Variants in C1orf53 observed in about 807,000 individuals in gnomAD.
C1orf53 encodes uncharacterized protein C1orf53.
In C1orf53, 23 loss-of-function variants were observed where a neutral mutation model predicts 17.5. The observed-to-expected ratio is 1.31, with a 90% CI of 0.94 to 1.86. The LOEUF (loss-of-function observed/expected upper bound fraction) is 1.86, where lower values mean the gene tolerates loss of function less well. Among genes scored for constraint, C1orf53 ranks in the 40% most tolerant of loss-of-function variants. The pLI, the probability that C1orf53 is intolerant of heterozygous loss-of-function variation, is 0.00. For synonymous variants in C1orf53, 108 were observed against 81.9 expected, an observed-to-expected ratio of 1.32 and a Z score of -1.72; for missense variants, 255 against 193.2, an observed-to-expected ratio of 1.32 and a Z score of -1.89.
At chr1:197,905,061 C>G (rs937303148) in intron 1 of C1orf53, among the ~76,000 whole-genome samples, 4 of 152,180 alleles carry the variant, frequency 2.6e-5, no homozygotes, top group African/African-American at 9.7e-5. Context: ...ATTTACTTTT[C>G]CCTTCCCACA....
rs769813029 is a variant in C1orf53 at position 197,902,901 on chromosome 1, T to C, written c.252T>C (p.Ala84=). 20 of 1,475,648 alleles carry C rather than the reference T, an allele frequency of 1.4e-5. No homozygotes were observed. In the African/African-American group the frequency reaches 2.3e-4, roughly 17 times the overall value. 91.4% of individuals were successfully genotyped at this position (1,475,648 alleles called of 1,614,324 possible). ...AGCGACAGATCGCGGAGCTGCACGCTGCCGCCTGCGCGGTGAGACTCCCTC... is the reference window on the plus strand; with the variant it reads ...AGCGACAGATCGCGGAGCTGCACGCCGCCGCCTGCGCGGTGAGACTCCCTC... ...AAERQIAELH[A]AACAAGQLNY... Residue 84 remains alanine, a synonymous_variant, in exon 1 of 3, where the codon GCT becomes GCC. Coordinates refer to ENST00000367393, the MANE Select transcript of C1orf53 (RefSeq NM_001024594.3).
Position 197,907,265 on chromosome 1 carries a change from A to G in C1orf53, c.*45A>G. 7 of 1,137,748 alleles carry G rather than the reference A, an allele frequency of 6.2e-6. No homozygotes were observed. Among genetic ancestry groups the G allele is most frequent in the Non-Finnish European group, 9.0e-6 (7 of 776,200 alleles). 70.5% of individuals were successfully genotyped at this position (1,137,748 alleles called of 1,614,324 possible). ...CCCTAACTGTGCTTGTATTTTTTAA[A>G]AAATAAAGCCCCAATTCAGAATTGC... On this transcript the variant is annotated 3_prime_UTR_variant, in exon 3 of 3. Transcript: ENST00000367393.
rs759201237 is a variant in C1orf53 at position 197,902,707 on chromosome 1, G to A, written c.58G>A (p.Ala20Thr). The change falls in exon 1 of 3, where the codon GCC becomes ACC. Residue 20 changes from alanine (A) to threonine (T), a missense_variant. Coordinates refer to ENST00000367393, the MANE Select transcript of C1orf53 (RefSeq NM_001024594.3). Reference sequence around the variant, plus strand: ...TGCCGCGCTCTGCAGGCAACCTTCCGCCGCCCCGCCGCCAGCACCTCTCTG... The same window carrying A: ...TGCCGCGCTCTGCAGGCAACCTTCCACCGCCCCGCCGCCAGCACCTCTCTG... Reference protein sequence around the residue: ...TGAALCRQPSAAPPPAPLWVR... With the variant: ...TGAALCRQPSTAPPPAPLWVR... 3.9e-6 allele frequency: 6 copies of A among 1,524,396 alleles called. No homozygotes were observed. The East Asian group carries it at 1.3e-4, about 34-fold the overall frequency. 94.4% of individuals were successfully genotyped at this position (1,524,396 alleles called of 1,614,324 possible). A position where few individuals can be genotyped will look rare whatever the true frequency, so the allele number is the denominator to read the frequency against.
rs1443491875 is a variant in C1orf53, at chr1:197,902,730, C to T, written c.81C>T (p.Leu27=). The T allele has an allele frequency of 6.4e-7, 1 of 1,558,396 alleles. No homozygotes were observed. Among genetic ancestry groups the T allele is most frequent in the South Asian group, 1.2e-5 (1 of 84,764 alleles). ...QPSAAPPPAP[L]WVRAGFRQQL... ...CCGCCGCCCCGCCGCCAGCACCTCT[C>T]TGGGTAAGAGCTGGGTTCCGACAGC... is the stretch of plus-strand genomic sequence containing the variant. Residue 27 remains leucine, a synonymous_variant, in exon 1 of 3, where the codon CTC becomes CTT. Coordinates refer to ENST00000367393, the MANE Select transcript of C1orf53 (RefSeq NM_001024594.3).
In C1orf53 at chr1:197,902,784, C is replaced by G. The variant is rs1659444796; in HGVS notation, c.135C>G (p.Asn45Lys). The change falls in exon 1 of 3, where the codon AAC becomes AAG. Residue 45 changes from asparagine (N) to lysine (K), a missense_variant. Coordinates refer to ENST00000367393, the MANE Select transcript of C1orf53 (RefSeq NM_001024594.3). Reference protein sequence around the residue: ...QQLSLTLCPANEGNCGGSAPS... With the variant: ...QQLSLTLCPAKEGNCGGSAPS... ...TCAGCTTAACCCTCTGCCCTGCTAA[C>G]GAGGGAAACTGCGGCGGCTCCGCGC... 6.3e-7 allele frequency: 1 copy of G among 1,581,348 alleles called. No homozygotes were observed. The highest frequency in any genetic ancestry group is 8.5e-7 in the Non-Finnish European group (1 of 1,170,816).
At chr1:197,904,613 T>C (rs1373525406) in intron 1 of C1orf53, among the ~76,000 whole-genome samples, 1 of 152,188 alleles carries the variant, frequency 6.6e-6, no homozygotes, top group South Asian at 2.1e-4. Context: ...TGATTTCATG[T>C]AATCTGCTTC....
intron 1 of C1orf53, chr1:197,905,587 C>T: frequency 2.1e-6 from 1 of 485,730 alleles, no homozygotes; most frequent in Non-Finnish European, 3.6e-6. Context: ...TTTTCTCAAA[C>T]TGTATATTTT....
Position 197,902,822 on chromosome 1 carries a change from G to T in C1orf53, c.173G>T (p.Gly58Val). The T allele has an allele frequency of 6.4e-7, 1 of 1,570,352 alleles. No homozygotes were observed. The change falls in exon 1 of 3, where the codon GGT becomes GTT. Residue 58 changes from glycine to valine, a missense_variant. By Grantham distance (109) the Gly-to-Val change is moderately radical. Coordinates refer to ENST00000367393, the MANE Select transcript of C1orf53 (RefSeq NM_001024594.3). ...NCGGSAPSTP[G>V]RPERAARPSV... Reference sequence around the variant, plus strand: ...GGCGGCTCCGCGCCCAGCACGCCCGGTAGGCCGGAGAGAGCGGCGAGGCCT... The same window carrying T: ...GGCGGCTCCGCGCCCAGCACGCCCGTTAGGCCGGAGAGAGCGGCGAGGCCT...
Position 197,902,794 on chromosome 1 carries a change from T to C in C1orf53, c.145T>C (p.Cys49Arg). Reference protein sequence around the residue: ...LTLCPANEGNCGGSAPSTPGR... With the variant: ...LTLCPANEGNRGGSAPSTPGR... Reference sequence around the variant, plus strand: ...CCTCTGCCCTGCTAACGAGGGAAACTGCGGCGGCTCCGCGCCCAGCACGCC... The same window carrying C: ...CCTCTGCCCTGCTAACGAGGGAAACCGCGGCGGCTCCGCGCCCAGCACGCC... The change falls in exon 1 of 3, where the codon TGC becomes CGC. Residue 49 changes from cysteine to arginine, a missense_variant. Cys to Arg is a radical substitution (Grantham distance 180, BLOSUM62 -3). Transcript: ENST00000367393. The C allele has an allele frequency of 6.3e-7, 1 of 1,580,916 alleles. No homozygotes were observed. The highest frequency in any genetic ancestry group is 8.5e-7 in the Non-Finnish European group (1 of 1,170,748).
Position 197,902,926 on chromosome 1 carries a change from C to G in C1orf53, c.264+13C>G. 1.5e-6 allele frequency: 2 copies of G among 1,367,974 alleles called. No individual in the cohort carries two copies. The highest frequency in any genetic ancestry group is 1.9e-6 in the Non-Finnish European group (2 of 1,065,774). 84.7% of individuals were successfully genotyped at this position (1,367,974 alleles called of 1,614,324 possible). ...TGCCGCCTGCGCGGTGAGACTCCCTCCTGCCCGCCCCGCCCCGCCGCGGCC... is the reference window on the plus strand; with the variant it reads ...TGCCGCCTGCGCGGTGAGACTCCCTGCTGCCCGCCCCGCCCCGCCGCGGCC... On this transcript the variant is annotated intron_variant, in intron 1 of 2. Coordinates refer to ENST00000367393, the MANE Select transcript of C1orf53 (RefSeq NM_001024594.3).
intron 1 of C1orf53, among the ~76,000 whole-genome samples, chr1:197,904,023 GA>G (rs1466811923): frequency 2.0e-5 from 3 of 152,206 alleles, no homozygotes; most frequent in Non-Finnish European, 2.9e-5. Context: ...GGAAGGAAAG[GA>G]ACTTTTTCTC....
intron 1 of C1orf53, among the ~76,000 whole-genome samples, chr1:197,904,719 C>T (rs1659493651): frequency 6.6e-6 from 1 of 152,118 alleles, no homozygotes; most frequent in African/African-American, 2.4e-5. Context: ...TGCTGGGATG[C>T]CTTAGAGTGA....
chr1:197,905,147 A>G (rs1298975661), intron 1 of C1orf53, among the ~76,000 whole-genome samples: 3 of 152,224 alleles, frequency 2.0e-5, no homozygotes, highest in Non-Finnish European at 4.4e-5. Flanking sequence ...AAATAGTACA[A>G]TAAAAGTTTC....
intron 1 of C1orf53, 58 bp downstream of exon 1, chr1:197,902,971 T>C (rs1659454736): frequency 1.5e-6 from 2 of 1,323,880 alleles, no homozygotes; most frequent in Non-Finnish European, 1.9e-6. Flanking sequence ...TCGGCGCGCC[T>C]GCGCATCCCG....
In C1orf53 at chr1:197,902,826, G is replaced by T; in HGVS notation, c.177G>T (p.Arg59Ser). The change falls in exon 1 of 3, where the codon AGG becomes AGT. Residue 59 changes from arginine to serine, a missense_variant. By Grantham distance (110) the Arg-to-Ser change is moderately radical. Coordinates refer to ENST00000367393, the MANE Select transcript of C1orf53 (RefSeq NM_001024594.3). ...GCTCCGCGCCCAGCACGCCCGGTAG[G>T]CCGGAGAGAGCGGCGAGGCCTTCGG... is the stretch of plus-strand genomic sequence containing the variant. ...CGGSAPSTPG[R>S]PERAARPSVS... is the part of the protein sequence containing the mutation. 6.4e-7 allele frequency: 1 copy of T among 1,568,070 alleles called. No homozygotes were observed.
At chr1:197,905,934 G>A (rs975162801) in intron 2 of C1orf53, 37 bp downstream of exon 2, 6 of 1,431,570 alleles carry the variant, frequency 4.2e-6, no homozygotes, top group South Asian at 1.2e-5. Context: ...AGCAGTTTGC[G>A]GTGCTTCTGT....
chr1:197,905,880 G>T lies in C1orf53; in HGVS notation c.349G>T (p.Gly117Cys). ...CCACTTGCAAAGAGGTGAATGTTGT[G>T]GCTCTGCGTGCAGACATGTGAGTAG... ...IAHLQRGECCGSACRHCPYGQ... is the reference protein window; with the variant it reads ...IAHLQRGECCCSACRHCPYGQ... Residue 117 changes from glycine to cysteine, a missense_variant, in exon 2 of 3, where the codon GGC becomes TGC. Physicochemically the swap from Gly to Cys is radical, Grantham distance 159. Transcript: ENST00000367393. 6.2e-7 allele frequency: 1 copy of T among 1,613,632 alleles called. No homozygotes were observed. The highest frequency in any genetic ancestry group is 1.1e-5 in the South Asian group (1 of 91,076).
In C1orf53 at chr1:197,902,885, T is replaced by A; in HGVS notation, c.236T>A (p.Ile79Asn). ...GAGTTAACCGCGGCGGAGCGACAGA[T>A]CGCGGAGCTGCACGCTGCCGCCTGC... ...SEELTAAERQ[I>N]AELHAAACAA... Residue 79 changes from isoleucine to asparagine, a missense_variant, in exon 1 of 3, where the codon ATC becomes AAC. Coordinates refer to ENST00000367393, the MANE Select transcript of C1orf53 (RefSeq NM_001024594.3). 6.7e-7 allele frequency: 1 copy of A among 1,502,306 alleles called. No homozygotes were observed. Among genetic ancestry groups the A allele is most frequent in the Non-Finnish European group, 8.8e-7 (1 of 1,130,782 alleles). The allele number at this position is 1,502,306 out of a possible 1,614,324, so 93.1% of individuals were successfully genotyped here. A position where few individuals can be genotyped will look rare whatever the true frequency, so the allele number is the denominator to read the frequency against.
At chr1:197,904,362 C>G (rs1659487844) in intron 1 of C1orf53, among the ~76,000 whole-genome samples, 1 of 152,164 alleles carries the variant, frequency 6.6e-6, no homozygotes, top group Admixed American at 6.5e-5. Context: ...CTCAGAGGTG[C>G]TCAATCAACA....
Sources: allele counts gnomAD v4.1 joint callset (sites outside exome capture counted in the v4.1 genomes callset), GRCh38; gene constraint gnomAD v4.1.1; transcripts MANE v1.5; gene names NCBI Gene and HGNC (gene_info 2026-07-23, HGNC 2026-07-21).